The following PCNX2 variants were observed in gnomAD, a reference collection of about 807,000 sequenced individuals.
PCNX2 encodes the protein pecanex-like protein 2.
Under a neutral mutation model 223.8 loss-of-function variants are expected in PCNX2, and 168 were observed. The ratio of observed to expected loss-of-function variants is 0.75; its 90% CI spans 0.66 to 0.85. The LOEUF (loss-of-function observed/expected upper bound fraction) is 0.85. Ranked by LOEUF, PCNX2 falls within the 40% of genes least tolerant of loss-of-function variation. The pLI is 0.00. For missense variants in PCNX2, 2,507 were observed against 2,675.5 expected (o/e 0.94, Z 1.39); for synonymous variants, 1,006 against 1,052.6 (o/e 0.96, Z 0.86).
chr1:233,284,380 C>T (rs189470451), intron 1 of PCNX2, among the ~76,000 whole-genome samples: 6 of 152,222 alleles, frequency 3.9e-5, no homozygotes, highest in Admixed American at 3.3e-4. Context: ...TTAATACATG[C>T]TGTTCCCCTT....
intron 17 of PCNX2, among the ~76,000 whole-genome samples, chr1:233,166,690 A>C (rs1197147426): frequency 6.6e-6 from 1 of 152,240 alleles, no homozygotes; most frequent in East Asian, 1.9e-4. Flanking sequence ...AAATACCATC[A>C]GCAAAATCAA....
chr1:233,283,683 T>C (rs1392759173), intron 1 of PCNX2, among the ~76,000 whole-genome samples: 2 of 151,442 alleles, frequency 1.3e-5, no homozygotes, highest in African/African-American at 2.4e-5. Flanking sequence ...AACAAAACTA[T>C]GAGGACGGGG....
intron 19 of PCNX2, among the ~76,000 whole-genome samples, chr1:233,143,030 G>A (rs572414308): frequency 3.1e-4 from 47 of 152,210 alleles, no homozygotes; most frequent in Admixed American, 1.0e-3. Flanking sequence ...CCATGCTGAT[G>A]ACACTCAAAT....
At chr1:233,194,402 A>G (rs1033763614) in intron 15 of PCNX2, among the ~76,000 whole-genome samples, 9 of 152,072 alleles carry the variant, frequency 5.9e-5, no homozygotes, top group African/African-American at 2.2e-4. Context: ...AAAGTTCTTC[A>G]GACAGGAGAA....
intron 22 of PCNX2, 73 bp from the exon 23 acceptor site, chr1:233,090,263 A>G: frequency 1.3e-6 from 2 of 1,532,352 alleles, no homozygotes; most frequent in Non-Finnish European, 1.8e-6. Context: ...TCAAATTTTG[A>G]TGAGTTTTCA....
intron 1 of PCNX2, among the ~76,000 whole-genome samples, chr1:233,263,389 C>T (rs1027150433): frequency 2.0e-5 from 3 of 151,468 alleles, no homozygotes; most frequent in Admixed American, 1.3e-4. Flanking sequence ...GCACTGATAA[C>T]CAACATTTGA....
chr1:233,223,242 G>A (rs568223405), intron 10 of PCNX2, among the ~76,000 whole-genome samples: 10 of 152,256 alleles, frequency 6.6e-5, no homozygotes, highest in African/African-American at 1.4e-4. Context: ...GTCTAGTAAC[G>A]TGAGAAGAAA....
At chr1:233,020,837 G>C (rs547002092) in intron 26 of PCNX2, among the ~76,000 whole-genome samples, 1 of 152,254 alleles carries the variant, frequency 6.6e-6, no homozygotes, top group South Asian at 2.1e-4. Flanking sequence ...CATACAGGGT[G>C]GGGGAACTGA....
At chr1:233,236,560 T>C (rs1332821307) in intron 9 of PCNX2, among the ~76,000 whole-genome samples, 3 of 152,142 alleles carry the variant, frequency 2.0e-5, no homozygotes, top group South Asian at 2.1e-4. Flanking sequence ...GTGAGACTTA[T>C]GCATCCTGGC....
At chr1:233,061,614 T>C (rs1315138568) in intron 23 of PCNX2, among the ~76,000 whole-genome samples, 1 of 152,218 alleles carries the variant, frequency 6.6e-6, no homozygotes, top group African/African-American at 2.4e-5. Context: ...TAAAAATGGT[T>C]ATGAGTGCTG....
At chr1:233,271,790 T>C (rs1230778471) in intron 1 of PCNX2, among the ~76,000 whole-genome samples, 1 of 152,212 alleles carries the variant, frequency 6.6e-6, no homozygotes, top group Admixed American at 6.5e-5. Flanking sequence ...CTGTAAGTAT[T>C]TGGCTTTATT....
At chr1:233,190,682 T>G (rs1286325555) in intron 15 of PCNX2, among the ~76,000 whole-genome samples, 1 of 152,218 alleles carries the variant, frequency 6.6e-6, no homozygotes, top group African/African-American at 2.4e-5. Flanking sequence ...GGTCAAAGCC[T>G]GTTTCAACAC....
In PCNX2 at chr1:233,161,332, C is replaced by G. The variant is rs754555338; in HGVS notation, c.3305G>C (p.Cys1102Ser). 2.5e-6 allele frequency: 4 copies of G among 1,613,872 alleles called. No homozygotes were observed. The East Asian group carries it at 8.9e-5, about 36-fold the overall frequency. ...AAATGAGAGGACAGCAACCACTGCG[C>G]AGACGATGAGATCCCATTTTAAGAC... ...TDVLKWDLIV[C>S]AVVAVLSFAV... Residue 1102 changes from cysteine to serine, a missense_variant, in exon 18 of 34, where the codon TGC becomes TCC. Coordinates refer to ENST00000258229, the MANE Select transcript of PCNX2 (RefSeq NM_014801.4).
intron 17 of PCNX2, among the ~76,000 whole-genome samples, chr1:233,166,412 A>T (rs907381980): frequency 1.3e-5 from 2 of 152,060 alleles, no homozygotes; most frequent in African/African-American, 4.8e-5. Context: ...CATCACAAAA[A>T]TGTAAAACTT....
At chr1:233,191,006 G>C (rs2102878436) in intron 15 of PCNX2, among the ~76,000 whole-genome samples, 2 of 152,302 alleles carry the variant, frequency 1.3e-5, no homozygotes, top group South Asian at 4.1e-4. Context: ...CACATTTGGG[G>C]AGGTGAGGGA....
chr1:233,030,618 C>A (rs1443672491), intron 25 of PCNX2, among the ~76,000 whole-genome samples: 1 of 152,146 alleles, frequency 6.6e-6, no homozygotes, highest in Non-Finnish European at 1.5e-5. Flanking sequence ...TGTTTTAAAT[C>A]TTTGGCTGGG....
Position 233,295,580 on chromosome 1 carries a change from G to T in PCNX2, c.-102C>A. On this transcript the variant is annotated 5_prime_UTR_variant, in exon 1 of 34. Transcript: ENST00000258229. The surrounding 1 kb of genome is among the most constrained non-coding windows in gnomAD (Gnocchi z 4.1). Reference sequence around the variant, plus strand: ...TCTAACACCCGGGCCCGCGGGCCGCGCCCCCGCCGTCGCCGCCGCCGTCGC... The same window carrying T: ...TCTAACACCCGGGCCCGCGGGCCGCTCCCCCGCCGTCGCCGCCGCCGTCGC... 1 of 1,222,300 alleles carries T rather than the reference G, an allele frequency of 8.2e-7. No individual in the cohort carries two copies. The allele number at this position is 1,222,300 out of a possible 1,614,324, so 75.7% of individuals were successfully genotyped here.
Position 233,238,829 on chromosome 1 carries a change from T to C in PCNX2, c.2223-1849A>G, listed in dbSNP as rs376818679. ...GTCAGGGTTTAGGACGTGAACCAGGTAGAGTAAGTACGTAGAGTTTGAAAA... is the reference window on the plus strand; with the variant it reads ...GTCAGGGTTTAGGACGTGAACCAGGCAGAGTAAGTACGTAGAGTTTGAAAA... On this transcript the variant is annotated intron_variant, in intron 8 of 33. Coordinates refer to ENST00000258229, the MANE Select transcript of PCNX2 (RefSeq NM_014801.4). 3.3e-5 allele frequency among the ~76,000 whole-genome samples: 5 copies of C among 152,136 alleles called. No individual in the cohort carries two copies. The East Asian group carries it at 5.8e-4, about 18-fold the overall frequency.
intron 25 of PCNX2, among the ~76,000 whole-genome samples, chr1:233,049,471 T>C (rs1261553138): frequency 5.9e-5 from 9 of 152,094 alleles, no homozygotes; most frequent in African/African-American, 1.7e-4. Context: ...AAATGAAGGA[T>C]AGAAAGAATA....
Sources: allele counts gnomAD v4.1 joint callset (sites outside exome capture counted in the v4.1 genomes callset), GRCh38; gene constraint gnomAD v4.1.1; non-coding constraint Gnocchi (gnomAD v3.1); transcripts MANE v1.5; gene names NCBI Gene and HGNC (gene_info 2026-07-23, HGNC 2026-07-21).